The following RALYL variants were observed in gnomAD, a reference collection of about 807,000 sequenced individuals.
The protein encoded by RALYL is RNA-binding Raly-like protein.
A neutral mutation model predicts 35.1 loss-of-function variants in RALYL; 29 were observed. The ratio of observed to expected loss-of-function variants is 0.83; its 90% CI spans 0.61 to 1.13. RALYL has a LOEUF of 1.13. Ranked by LOEUF, RALYL falls within the 50% of genes most tolerant of loss-of-function variation. The pLI is 0.00. For missense variants in RALYL, 359 were observed against 360.4 expected, an observed-to-expected ratio of 1.00 and a Z score of 0.03; for synonymous variants, 120 against 127.6, an observed-to-expected ratio of 0.94 and a Z score of 0.40.
chr8:84,629,877 T>C (rs1823558353), intron 2 of RALYL, among the ~76,000 whole-genome samples: 1 of 152,068 alleles, frequency 6.6e-6, no homozygotes, highest in Non-Finnish European at 1.5e-5. Flanking sequence ...TAAGAGAAAC[T>C]TTACTCCAGA....
At chr8:84,341,763 T>A (rs1054913161) in intron 1 of RALYL, among the ~76,000 whole-genome samples, 27 of 152,092 alleles carry the variant, frequency 1.8e-4, no homozygotes, top group African/African-American at 6.0e-4. Context: ...AATATCAATG[T>A]GAACCAGCTG....
At chr8:84,810,801 A>G (rs1238654475) in intron 4 of RALYL, among the ~76,000 whole-genome samples, 1 of 152,164 alleles carries the variant, frequency 6.6e-6, no homozygotes, top group Non-Finnish European at 1.5e-5. Context: ...TGATATAAGA[A>G]TAGTTATCCC....
chr8:84,641,328 C>A (rs1469446495), intron 2 of RALYL, among the ~76,000 whole-genome samples: 6 of 151,406 alleles, frequency 4.0e-5, no homozygotes, highest in African/African-American at 1.5e-4. Flanking sequence ...ATTTTAGTAA[C>A]CTTCAATTTT....
chr8:84,825,192 A>C (rs1167929908), intron 4 of RALYL, among the ~76,000 whole-genome samples: 1 of 152,208 alleles, frequency 6.6e-6, no homozygotes, highest in Non-Finnish European at 1.5e-5. Flanking sequence ...AAGGACATGA[A>C]CAGACATTTC....
chr8:84,185,593 G>C (rs1371205389), intron 1 of RALYL, among the ~76,000 whole-genome samples: 1 of 152,028 alleles, frequency 6.6e-6, no homozygotes, highest in Non-Finnish European at 1.5e-5. Flanking sequence ...CTTAAAATCT[G>C]GAGAGTCACC....
intron 1 of RALYL, among the ~76,000 whole-genome samples, chr8:84,279,677 A>G (rs1836163168): frequency 1.3e-5 from 2 of 152,154 alleles, no homozygotes; most frequent in South Asian, 4.2e-4. Context: ...GCTTTTTTTC[A>G]GATTCTAGAG....
intron 1 of RALYL, among the ~76,000 whole-genome samples, chr8:84,218,529 C>G (rs1978825): frequency 0.91 from 138,185 of 152,086 alleles, 63,040 homozygotes; most frequent in East Asian, 1. Context: ...TTTTTTCACA[C>G]AGATTACTCT....
chr8:84,694,381 T>C (rs1156990301), intron 2 of RALYL, among the ~76,000 whole-genome samples: 2 of 151,866 alleles, frequency 1.3e-5, no homozygotes, highest in Admixed American at 6.6e-5. Flanking sequence ...ATAAAAAATA[T>C]ATTCATGAGT....
At position 84,586,747 on chromosome 8, in the gene RALYL, C is replaced by G. The variant is rs146382430; in HGVS notation, c.256+57170C>G. ...TCTATATATTCCTAGGGTTAAAGGT[C>G]AATCCCATATACTTATTAAATTAAA... On this transcript the variant is annotated intron_variant, in intron 2 of 8. Transcript: ENST00000521268. Among the ~76,000 whole-genome samples, 347 of 152,194 alleles carry G rather than the reference C, an allele frequency of 2.3e-3. 2 individuals carry two copies. Among genetic ancestry groups the G allele is most frequent in the African/African-American group, 5.3e-3 (219 of 41,510 alleles).
chr8:84,478,258 G>GA (rs1352916830), intron 1 of RALYL, among the ~76,000 whole-genome samples: 5 of 151,966 alleles, frequency 3.3e-5, no homozygotes, highest in Non-Finnish European at 7.4e-5. Context: ...TATACTGATT[G>GA]AGCACTACTA....
At chr8:84,260,512 T>G (rs1375493142) in intron 1 of RALYL, among the ~76,000 whole-genome samples, 1 of 152,162 alleles carries the variant, frequency 6.6e-6, no homozygotes, top group Non-Finnish European at 1.5e-5. Context: ...GCTGCCAGCC[T>G]GATTAAGGCT....
At chr8:84,416,270 T>G (rs73304391) in intron 1 of RALYL, among the ~76,000 whole-genome samples, 4,279 of 152,278 alleles carry the variant, frequency 0.028, 196 homozygotes, top group African/African-American at 0.097. Context: ...TCACACCTAA[T>G]AGCTACTGGT....
At chr8:84,911,854 A>G (rs1847565265) in intron 8 of RALYL, among the ~76,000 whole-genome samples, 1 of 152,152 alleles carries the variant, frequency 6.6e-6, no homozygotes, top group African/African-American at 2.4e-5. Context: ...TAACAAAATT[A>G]TAAACAATAC....
At chr8:84,283,192 TGA>T (rs1384264439) in intron 1 of RALYL, among the ~76,000 whole-genome samples, 1 of 151,826 alleles carries the variant, frequency 6.6e-6, no homozygotes, top group East Asian at 1.9e-4. Context: ...TGTATAATGT[TGA>T]GTTATGTATA....
At chr8:84,641,611 CTG>C (rs1588694570) in intron 2 of RALYL, among the ~76,000 whole-genome samples, 2 of 151,656 alleles carry the variant, frequency 1.3e-5, no homozygotes, top group East Asian at 3.9e-4. Flanking sequence ...CTTTTGAAAA[CTG>C]TCATATTACA....
At chr8:84,187,163 A>G (rs1462843981) in intron 1 of RALYL, among the ~76,000 whole-genome samples, 1 of 152,152 alleles carries the variant, frequency 6.6e-6, no homozygotes, top group African/African-American at 2.4e-5. Flanking sequence ...CAAACATTGT[A>G]CTATCTAAAC....
At chr8:84,405,465 G>A (rs1249256690) in intron 1 of RALYL, among the ~76,000 whole-genome samples, 1 of 151,932 alleles carries the variant, frequency 6.6e-6, no homozygotes, top group African/African-American at 2.4e-5. Flanking sequence ...CCACTAGCCA[G>A]ACTAATAAAG....
intron 1 of RALYL, among the ~76,000 whole-genome samples, chr8:84,526,464 C>A (rs1175141151): frequency 1.3e-5 from 2 of 152,154 alleles, no homozygotes; most frequent in Non-Finnish European, 2.9e-5. Flanking sequence ...TTGGACTCTG[C>A]ACTGCTGCTG....
chr8:84,490,289 C>T (rs1309181847), intron 1 of RALYL, among the ~76,000 whole-genome samples: 1 of 151,878 alleles, frequency 6.6e-6, no homozygotes, highest in African/African-American at 2.4e-5. Flanking sequence ...GGGGCGATTT[C>T]AGAGCTGCCA....
Sources: allele counts gnomAD v4.1 joint callset (sites outside exome capture counted in the v4.1 genomes callset), GRCh38; gene constraint gnomAD v4.1.1; transcripts MANE v1.5; gene names NCBI Gene and HGNC (gene_info 2026-07-23, HGNC 2026-07-21).